Variants in PCDH7 observed in about 807,000 individuals in gnomAD.
PCDH7 encodes the protein protocadherin-7.
In PCDH7, 17 loss-of-function variants were observed where a neutral mutation model predicts 58.9. The ratio of observed to expected loss-of-function variants is 0.29; its 90% confidence interval spans 0.20 to 0.43. The LOEUF (loss-of-function observed/expected upper bound fraction) is 0.43, where lower values mean the gene tolerates loss of function less well. Ranked by LOEUF, PCDH7 falls within the 20% of genes least tolerant of loss-of-function variation. PCDH7 has a pLI of 1.00. For missense variants in PCDH7, 1,274 were observed against 1,441.0 expected (o/e 0.88, Z 1.88); for synonymous variants, 664 against 616.4 (o/e 1.08, Z -1.14).
At chr4:31,023,653 CT>C (rs1180317488) in intron 3 of PCDH7, among the ~76,000 whole-genome samples, 1 of 152,176 alleles carries the variant, frequency 6.6e-6, no homozygotes, top group Non-Finnish European at 1.5e-5. Flanking sequence ...TGCTCTCCTA[CT>C]TTCATGTAAG....
At chr4:30,819,086 G>T (rs902563990) in intron 1 of PCDH7, among the ~76,000 whole-genome samples, 1 of 152,162 alleles carries the variant, frequency 6.6e-6, no homozygotes, top group African/African-American at 2.4e-5. Context: ...ACAGAACATT[G>T]CTGAGTGCTT....
At chr4:31,055,583 G>GT (rs890761832) in intron 3 of PCDH7, among the ~76,000 whole-genome samples, 11 of 151,570 alleles carry the variant, frequency 7.3e-5, no homozygotes, top group South Asian at 4.2e-4. Flanking sequence ...TTATTTTTTT[G>GT]TTTTTTTGTT....
At chr4:31,065,849 GA>G (rs541566992) in intron 3 of PCDH7, among the ~76,000 whole-genome samples, 16 of 150,782 alleles carry the variant, frequency 1.1e-4, no homozygotes, top group South Asian at 4.2e-4. Flanking sequence ...TTGGAACCAG[GA>G]AAAAAAAATT....
At chr4:31,010,237 C>T (rs1034453388) in intron 3 of PCDH7, among the ~76,000 whole-genome samples, 1 of 151,886 alleles carries the variant, frequency 6.6e-6, no homozygotes, top group Non-Finnish European at 1.5e-5. Context: ...AAACCAACCA[C>T]TCTATTATGG....
rs1431165549 is a variant in PCDH7, at chr4:30,723,140, C to T, written c.1718C>T (p.Ser573Leu). ...GGTAAGAACGCCGAGATCGCCTACTCGCTGGACTCCTCTGTGATGGGGATC... is the reference window on the plus strand; with the variant it reads ...GGTAAGAACGCCGAGATCGCCTACTTGCTGGACTCCTCTGTGATGGGGATC... Residue 573 changes from serine (S) to leucine (L), a missense_variant, in exon 1 of 2, where the codon TCG becomes TTG. By Grantham distance (145) the Ser-to-Leu change is moderately radical. Coordinates refer to ENST00000361762, the Ensembl canonical transcript of PCDH7. The surrounding 1 kb of genome is among the most constrained non-coding windows in gnomAD (Gnocchi z 4.6). 2.5e-6 allele frequency: 4 copies of T among 1,614,054 alleles called. No homozygotes were observed. Among genetic ancestry groups the T allele is most frequent in the Non-Finnish European group, 3.4e-6 (4 of 1,180,028 alleles).
intron 3 of PCDH7, among the ~76,000 whole-genome samples, chr4:31,003,846 T>A (rs528085462): frequency 3.9e-5 from 6 of 152,226 alleles, no homozygotes; most frequent in Admixed American, 3.9e-4. Flanking sequence ...AAAAAAAGGT[T>A]CTGATTTTGG....
chr4:31,078,484 C>CTTT, intron 3 of PCDH7, among the ~76,000 whole-genome samples: 1 of 142,926 alleles, frequency 7.0e-6, no homozygotes, highest in African/African-American at 2.6e-5. Context: ...TTTCTTTTTT[C>CTTT]TTTTTTTTTT....
At chr4:30,775,001 T>A (rs545822856) in intron 1 of PCDH7, among the ~76,000 whole-genome samples, 40 of 152,352 alleles carry the variant, frequency 2.6e-4, no homozygotes, top group African/African-American at 9.4e-4. Flanking sequence ...TCTTTTGTTT[T>A]ATAGAATTTA....
intron 1 of PCDH7, among the ~76,000 whole-genome samples, chr4:30,760,892 C>G (rs928437727): frequency 2.0e-5 from 3 of 152,114 alleles, no homozygotes; most frequent in South Asian, 2.1e-4. Flanking sequence ...GAGTGGGGTG[C>G]CTTCTTCCCA....
At chr4:30,838,331 A>G (rs1730772708) in intron 1 of PCDH7, among the ~76,000 whole-genome samples, 2 of 152,040 alleles carry the variant, frequency 1.3e-5, no homozygotes, top group Non-Finnish European at 2.9e-5. Context: ...TTTTATTTTA[A>G]CTCAATGACT....
At chr4:30,990,587 G>A (rs73111684) in intron 3 of PCDH7, among the ~76,000 whole-genome samples, 5,647 of 152,018 alleles carry the variant, frequency 0.037, 328 homozygotes, top group African/African-American at 0.13. Flanking sequence ...TCTACCTTGG[G>A]TAAACACTTA....
At chr4:30,743,172 A>G (rs1398307504) in intron 1 of PCDH7, among the ~76,000 whole-genome samples, 3 of 152,150 alleles carry the variant, frequency 2.0e-5, no homozygotes, top group African/African-American at 7.2e-5. Flanking sequence ...GAAGCTAAGT[A>G]TTTTCCTAAG....
rs144882630 is a variant in PCDH7 at position 30,824,163 on chromosome 4, T to C, written c.71-95990T>C. On this transcript the variant is annotated intron_variant, in intron 1 of 3. Coordinates refer to the PCDH7 transcript ENST00000509759. ...TCTTTCTTTCTTTCTTTCTTTCTTTTTGCTTCCCTCATATATGTGATTCTC... is the reference window on the plus strand; with the variant it reads ...TCTTTCTTTCTTTCTTTCTTTCTTTCTGCTTCCCTCATATATGTGATTCTC... 3.8e-4 allele frequency among the ~76,000 whole-genome samples: 54 copies of C among 142,198 alleles called. 1 individual carries two copies. In the East Asian group the frequency reaches 7.8e-3, roughly 21 times the overall value. 93.3% of individuals were successfully genotyped at this position (142,198 alleles called of 152,430 possible).
At chr4:30,933,850 A>G (rs1744983437) in intron 2 of PCDH7, among the ~76,000 whole-genome samples, 6 of 152,336 alleles carry the variant, frequency 3.9e-5, no homozygotes, top group Admixed American at 2.6e-4. Context: ...AAACAAGCTC[A>G]ATCTTTAATT....
In PCDH7 at chr4:30,992,793, C is replaced by CTTT. The variant is rs577504420; in HGVS notation, c.*7+42601_*7+42603dup. Among the ~76,000 whole-genome samples the CTTT allele has an allele frequency of 5.6e-3, 531 of 95,536 alleles. 2 individuals carry two copies. Among genetic ancestry groups the CTTT allele is most frequent in the African/African-American group, 8.6e-3 (192 of 22,278 alleles). The allele number at this position is 95,536 out of a possible 152,430, so 62.7% of individuals were successfully genotyped here. On this transcript the variant is annotated intron_variant, in intron 3 of 3. Coordinates refer to the PCDH7 transcript ENST00000509759. ...GGCCAAGGAGGACTACTGTCCCATTCTTTTTTTTTTTTTTTTTTTTTTTTT... is the reference window on the plus strand; with the variant it reads ...GGCCAAGGAGGACTACTGTCCCATTCTTTTTTTTTTTTTTTTTTTTTTTTTTTT...
chr4:31,138,580 C>T (rs1719891924), intron 3 of PCDH7, among the ~76,000 whole-genome samples: 1 of 152,172 alleles, frequency 6.6e-6, no homozygotes, highest in South Asian at 2.1e-4. Context: ...AGCTTGGACC[C>T]GTTCGCTGTT....
rs542295744 is a variant in PCDH7, at chr4:31,123,724, C to T, written c.*8-18749C>T. Among the ~76,000 whole-genome samples the T allele has an allele frequency of 7.2e-5, 11 of 152,222 alleles. No individual in the cohort carries two copies. The South Asian group carries it at 2.1e-3, about 29-fold the overall frequency. ...CAGTGCACCCATAATTCTTGTCCAG[C>T]GTCCAGGAAGAACCAGGTCCCACGA... On this transcript the variant is annotated intron_variant, in intron 3 of 3. Coordinates refer to the PCDH7 transcript ENST00000509759.
chr4:30,738,922 T>C (rs1368592253), intron 1 of PCDH7, among the ~76,000 whole-genome samples: 10 of 152,112 alleles, frequency 6.6e-5, no homozygotes, highest in Admixed American at 1.3e-4. Context: ...CTGCCAGGCA[T>C]GTAACCAAGG....
chr4:30,951,470 C>A (rs1747363305), intron 3 of PCDH7, among the ~76,000 whole-genome samples: 4 of 152,076 alleles, frequency 2.6e-5, no homozygotes, highest in Admixed American at 2.6e-4. Context: ...TTTGTTTTAA[C>A]CTTGAGCACA....
Sources: allele counts gnomAD v4.1 joint callset (sites outside exome capture counted in the v4.1 genomes callset), GRCh38; gene constraint gnomAD v4.1.1; non-coding constraint Gnocchi (gnomAD v3.1); transcripts MANE v1.5; gene names NCBI Gene and HGNC (gene_info 2026-07-23, HGNC 2026-07-21).